Variants in FAM120B observed in about 807,000 individuals in gnomAD.
FAM120B encodes constitutive coactivator of peroxisome proliferator-activated receptor gamma.
Under a neutral mutation model 96.3 loss-of-function variants are expected in FAM120B, and 83 were observed. The ratio of observed to expected loss-of-function variants is 0.86; its 90% CI spans 0.72 to 1.03. The LOEUF (loss-of-function observed/expected upper bound fraction) is 1.03. Among genes scored for constraint, FAM120B ranks in the 50% least tolerant of loss-of-function variants. The pLI, the probability that FAM120B is intolerant of heterozygous loss-of-function variation, is 0.00. For synonymous variants in FAM120B, 407 were observed against 402.7 expected (o/e 1.01, Z -0.13); for missense variants, 1,027 against 1,121.2 (o/e 0.92, Z 1.20).
intron 9 of FAM120B, among the ~76,000 whole-genome samples, chr6:170,402,967 C>T (rs1238924261): frequency 1.3e-5 from 2 of 151,952 alleles, no homozygotes; most frequent in African/African-American, 2.4e-5. Flanking sequence ...AGTGGTGATG[C>T]GTGTGGGTTT....
chr6:170,330,383 C>T, intron 3 of FAM120B, 66 bp from the exon 4 acceptor site: 1 of 1,287,628 alleles, frequency 7.8e-7, no homozygotes, highest in Non-Finnish European at 1.1e-6. Context: ...AGAGCTGGGT[C>T]TGTGACACTG....
At chr6:170,404,280 A>T (rs898779070) in intron 9 of FAM120B, 3 of 403,002 alleles carry the variant, frequency 7.4e-6, no homozygotes, top group African/African-American at 6.2e-5. Context: ...AAATGCCTAG[A>T]AATCACGCAG....
At chr6:170,357,879 G>T (rs747412949) in intron 5 of FAM120B, among the ~76,000 whole-genome samples, 1 of 152,224 alleles carries the variant, frequency 6.6e-6, no homozygotes, top group African/African-American at 2.4e-5. Context: ...AGGATGGTGT[G>T]AAGAGGCTGT....
upstream of FAM120B, among the ~76,000 whole-genome samples, chr6:170,294,866 G>A (rs1001835188): frequency 3.3e-5 from 5 of 152,206 alleles, no homozygotes; most frequent in Non-Finnish European, 4.4e-5. This position sits in a 1 kb window ranked among gnomAD's most constrained non-coding sequence, Gnocchi z 7.9. Flanking sequence ...ATACCCAACA[G>A]AGAGGTTCTC....
chr6:170,399,815 A>T (rs1778447480), intron 9 of FAM120B, among the ~76,000 whole-genome samples: 20 of 134,514 alleles, frequency 1.5e-4, no homozygotes, highest in Non-Finnish European at 2.6e-4. Context: ...CTATGTCATA[A>T]GCCTTAGGAG....
Position 170,295,714 on chromosome 6 carries a change from T to G in FAM120B, c.48+261T>G, listed in dbSNP as rs150369921. Among the ~76,000 whole-genome samples the G allele has an allele frequency of 6.9e-3, 1,047 of 152,090 alleles. 13 individuals carry two copies. The highest frequency in any genetic ancestry group is 0.024 in the African/African-American group (982 of 41,508). ...TCCCGGCGCCACACGCCCTTTTCCT[T>G]TCTCAGGATCCGCGGCCGTGCAGAG... On this transcript the variant is annotated intron_variant, in intron 1 of 10. Transcript: ENST00000537664. The surrounding 1 kb of genome is among the most constrained non-coding windows in gnomAD (Gnocchi z 7.8).
Position 170,390,609 on chromosome 6 carries a change from C to T in FAM120B, c.2491-404C>T, listed in dbSNP as rs1790430888. Among the ~76,000 whole-genome samples the T allele has an allele frequency of 2.6e-5, 4 of 151,586 alleles. No individual in the cohort carries two copies. In the South Asian group the frequency reaches 8.3e-4, roughly 32 times the overall value. On this transcript the variant is annotated intron_variant, in intron 7 of 10. Transcript: ENST00000476287. ...TTTTTGTTTTTTGTTTTTTTTCTGACGTTGGCATTTCTGCTGAATGTTCTT... is the reference window on the plus strand; with the variant it reads ...TTTTTGTTTTTTGTTTTTTTTCTGATGTTGGCATTTCTGCTGAATGTTCTT...
At chr6:170,320,782 G>A (rs1296390578) in intron 2 of FAM120B, among the ~76,000 whole-genome samples, 1 of 152,230 alleles carries the variant, frequency 6.6e-6, no homozygotes, top group East Asian at 1.9e-4. Flanking sequence ...TTAAGGAACA[G>A]TCCACTGAGA....
chr6:170,311,300 C>G (rs1335914113), intron 1 of FAM120B, among the ~76,000 whole-genome samples: 2 of 152,210 alleles, frequency 1.3e-5, no homozygotes, highest in African/African-American at 4.8e-5. Flanking sequence ...CATCTGGCCC[C>G]AACTCCTCCA....
intron 5 of FAM120B, among the ~76,000 whole-genome samples, chr6:170,349,126 C>T (rs559290200): frequency 6.6e-6 from 1 of 152,304 alleles, no homozygotes; most frequent in African/African-American, 2.4e-5. Flanking sequence ...CTCCCAGCCC[C>T]TCTTTCTCTG....
At chr6:170,350,677 C>T (rs1486064610) in intron 5 of FAM120B, among the ~76,000 whole-genome samples, 1 of 152,186 alleles carries the variant, frequency 6.6e-6, no homozygotes, top group Non-Finnish European at 1.5e-5. Context: ...AGTAGACCGC[C>T]AGCAAATGGC....
At position 170,382,707 on chromosome 6, in the gene FAM120B, C is replaced by T. The variant is rs191960574; in HGVS notation, c.2284-5580C>T. Among the ~76,000 whole-genome samples the T allele has an allele frequency of 3.4e-3, 525 of 152,242 alleles. 2 individuals are homozygous for T. Among genetic ancestry groups the T allele is most frequent in the African/African-American group, 0.011 (477 of 41,544 alleles). On this transcript the variant is annotated intron_variant, in intron 6 of 10. Coordinates refer to ENST00000476287, the MANE Select transcript of FAM120B (RefSeq NM_032448.3). ...CATGTACTGGAAGGCTCAGCAGAGA[C>T]GTGGGTTCCCTCCAGACTGATGTAC...
intron 5 of FAM120B, among the ~76,000 whole-genome samples, chr6:170,357,415 A>C (rs1405571370): frequency 6.6e-6 from 1 of 151,312 alleles, no homozygotes; most frequent in Non-Finnish European, 1.5e-5. Flanking sequence ...TCCATCATCT[A>C]CTCCACACCA....
chr6:170,369,364 G>T (rs1225549469), intron 6 of FAM120B, among the ~76,000 whole-genome samples: 1 of 152,174 alleles, frequency 6.6e-6, no homozygotes, highest in Non-Finnish European at 1.5e-5. Flanking sequence ...TCTGCCTCCT[G>T]GACTTGGCAG....
At chr6:170,392,587 TCAGTTCATGTTTACACCTGTAACTACTG>T (rs1221811584) in intron 8 of FAM120B, among the ~76,000 whole-genome samples, 1 of 152,256 alleles carries the variant, frequency 6.6e-6, no homozygotes, top group African/African-American at 2.4e-5. Context: ...ATGCCCTCCT[TCAGTTCATGTTTACACCTGTAACTACTG>T]CAGTCCCATT....
chr6:170,366,307 G>A (rs757606555), intron 6 of FAM120B, among the ~76,000 whole-genome samples: 117 of 152,300 alleles, frequency 7.7e-4, no homozygotes, highest in Middle Eastern at 6.8e-3. Context: ...ATGGGTGGGG[G>A]AAGCGGTTAG....
upstream of FAM120B, among the ~76,000 whole-genome samples, chr6:170,306,328 G>T (rs545126343): frequency 6.6e-6 from 1 of 152,140 alleles, no homozygotes; most frequent in East Asian, 2.0e-4. Context: ...CGGCCCAGGC[G>T]AGGCTCCCGG....
intron 2 of FAM120B, among the ~76,000 whole-genome samples, chr6:170,319,881 A>G (rs917633315): frequency 3.9e-5 from 6 of 152,208 alleles, no homozygotes. Context: ...GTGGACAATC[A>G]TAGCCAAATT....
intron 6 of FAM120B, among the ~76,000 whole-genome samples, chr6:170,378,697 C>T (rs1020234957): frequency 6.6e-6 from 1 of 152,190 alleles, no homozygotes; most frequent in Non-Finnish European, 1.5e-5. Context: ...GTAGACGGGC[C>T]TGCAAAGGGG....
Sources: gnomAD v4.1 joint callset for allele counts (sites outside exome capture counted in the v4.1 genomes callset) on GRCh38, gnomAD v4.1.1 for gene constraint, Gnocchi (gnomAD v3.1) non-coding constraint, MANE v1.5 for transcripts, NCBI Gene and HGNC (gene_info 2026-07-23, HGNC 2026-07-21) for gene names.